Variants in MAML2 observed in about 807,000 individuals in gnomAD.
MAML2 encodes the protein mastermind like transcriptional coactivator 2, also known as mastermind-like protein 2.
A neutral mutation model predicts 96.1 loss-of-function variants in MAML2; 22 were observed. The ratio of observed to expected loss-of-function variants is 0.23; its 90% CI spans 0.16 to 0.33. The LOEUF (loss-of-function observed/expected upper bound fraction) is 0.33, where lower values mean the gene tolerates loss of function less well. Ranked by LOEUF, MAML2 falls within the 10% of genes least tolerant of loss-of-function variation. The probability of loss-of-function intolerance (pLI) is 1.00; values close to 1 mark genes in which losing one functional copy is unlikely to be tolerated. For synonymous variants in MAML2, 561 were observed against 521.3 expected (o/e 1.08, Z -1.04); for missense variants, 1,367 against 1,392.4 (o/e 0.98, Z 0.29).
At chr11:96,337,673 A>G (rs1863937296) in intron 1 of MAML2, among the ~76,000 whole-genome samples, 1 of 152,228 alleles carries the variant, frequency 6.6e-6, no homozygotes. Flanking sequence ...TGAAATGCCA[A>G]TCCCTCTATT....
chr11:96,286,424 C>T (rs960986793), intron 1 of MAML2, among the ~76,000 whole-genome samples: 6 of 152,184 alleles, frequency 3.9e-5, no homozygotes, highest in Non-Finnish European at 7.3e-5. Flanking sequence ...CACCATGGCA[C>T]ATGTTTACCT....
chr11:96,191,818 C>G (rs1394868430), intron 1 of MAML2, among the ~76,000 whole-genome samples: 3 of 150,618 alleles, frequency 2.0e-5, no homozygotes, highest in African/African-American at 7.3e-5. Context: ...TGAAATTCTA[C>G]TATGTGAAAG....
At chr11:96,309,696 A>ATT (rs36116461) in intron 1 of MAML2, among the ~76,000 whole-genome samples, 2,266 of 138,734 alleles carry the variant, frequency 0.016, 43 homozygotes, top group Non-Finnish European at 0.021. Context: ...CAAAGGAACA[A>ATT]TTTTTTTTTT....
chr11:96,204,788 T>C (rs1351634417), intron 1 of MAML2, among the ~76,000 whole-genome samples: 1 of 152,266 alleles, frequency 6.6e-6, no homozygotes, highest in African/African-American at 2.4e-5. Flanking sequence ...TTTCCTGGCT[T>C]TCTGCCAAGG....
chr11:96,024,089 G>A (rs1858478513), intron 2 of MAML2, among the ~76,000 whole-genome samples: 1 of 152,168 alleles, frequency 6.6e-6, no homozygotes, highest in Admixed American at 6.5e-5. Context: ...GGGAAATGCT[G>A]GTAAAGGAGA....
At chr11:96,012,220 C>T (rs936924526) in intron 2 of MAML2, among the ~76,000 whole-genome samples, 9 of 152,136 alleles carry the variant, frequency 5.9e-5, no homozygotes, top group Non-Finnish European at 8.8e-5. Flanking sequence ...CAAGTTCATT[C>T]GACTTGGGCA....
rs73519261 is a variant in MAML2, at chr11:95,984,268, A to T, written c.2455+1263T>A. On this transcript the variant is annotated intron_variant, in intron 4 of 4. Coordinates refer to ENST00000524717, the MANE Select transcript of MAML2 (RefSeq NM_032427.4). Reference sequence around the variant, plus strand: ...ATCTAGGTTTGTATAAGTACACTTTATGATGTTTGCACAATGAAATTACCT... The same window carrying T: ...ATCTAGGTTTGTATAAGTACACTTTTTGATGTTTGCACAATGAAATTACCT... 9.8e-3 allele frequency among the ~76,000 whole-genome samples: 1,497 copies of T among 152,272 alleles called. 26 individuals are homozygous for T. Among genetic ancestry groups the T allele is most frequent in the African/African-American group, 0.035 (1,433 of 41,534 alleles).
intron 2 of MAML2, among the ~76,000 whole-genome samples, chr11:96,084,198 C>T (rs1859571617): frequency 6.6e-6 from 1 of 152,078 alleles, no homozygotes; most frequent in African/African-American, 2.4e-5. Context: ...GAATGAAAAC[C>T]AATGACTTTG....
At chr11:96,314,612 GAT>G (rs2136006534) in intron 1 of MAML2, among the ~76,000 whole-genome samples, 1 of 152,320 alleles carries the variant, frequency 6.6e-6, no homozygotes, top group East Asian at 1.9e-4. Context: ...CTTCTGCTAA[GAT>G]AACCTAAAAC....
intron 1 of MAML2, among the ~76,000 whole-genome samples, chr11:96,228,779 G>C (rs903474959): frequency 6.6e-6 from 1 of 152,176 alleles, no homozygotes; most frequent in South Asian, 2.1e-4. Context: ...CCATTGTGGT[G>C]ATGCTGCCTC....
chr11:96,186,765 C>G (rs978953336), intron 1 of MAML2, among the ~76,000 whole-genome samples: 6 of 152,206 alleles, frequency 3.9e-5, no homozygotes, highest in Admixed American at 3.3e-4. Context: ...ATCACTTTCT[C>G]AAGGCTACAT....
At chr11:96,240,099 A>G (rs919325350) in intron 1 of MAML2, among the ~76,000 whole-genome samples, 1 of 152,234 alleles carries the variant, frequency 6.6e-6, no homozygotes, top group Non-Finnish European at 1.5e-5. Context: ...GCTACATTCA[A>G]AGACAAAAGC....
intron 1 of MAML2, among the ~76,000 whole-genome samples, chr11:96,265,645 C>T (rs1862814608): frequency 2.0e-5 from 3 of 152,174 alleles, no homozygotes. Flanking sequence ...AAGGCAGAGA[C>T]AGAAGCAGCT....
chr11:96,287,603 A>G (rs975077067), intron 1 of MAML2, among the ~76,000 whole-genome samples: 10 of 152,340 alleles, frequency 6.6e-5, no homozygotes, highest in African/African-American at 2.4e-4. Context: ...AAAAATTAAG[A>G]GTAGAATTGG....
At chr11:96,000,788 C>T (rs1264742697) in intron 2 of MAML2, among the ~76,000 whole-genome samples, 1 of 152,152 alleles carries the variant, frequency 6.6e-6, no homozygotes, top group Admixed American at 6.5e-5. Flanking sequence ...ACACACCTAA[C>T]TGAGAGATGA....
intron 2 of MAML2, among the ~76,000 whole-genome samples, chr11:95,996,920 G>A (rs1858000137): frequency 6.6e-6 from 1 of 152,112 alleles, no homozygotes. Context: ...TGAAGGCTGT[G>A]GTAAAAATCG....
In MAML2 at chr11:96,017,154, C is replaced by G. The variant is rs570920903; in HGVS notation, c.2140-25431G>C. On this transcript the variant is annotated intron_variant, in intron 2 of 4. Transcript: ENST00000524717. ...ATTCTTTTGAGGTAGGTAGATCTTA[C>G]TATTCCTCCCATTTCATAGATGAGG... Among the ~76,000 whole-genome samples the G allele has an allele frequency of 8.3e-4, 127 of 152,300 alleles. 3 individuals carry two copies. The South Asian group carries it at 0.026, about 31-fold the overall frequency.
intron 3 of MAML2, among the ~76,000 whole-genome samples, chr11:95,987,102 T>C (rs181517424): frequency 2.0e-5 from 3 of 152,288 alleles, no homozygotes; most frequent in Admixed American, 1.3e-4. Flanking sequence ...AATGGGGCTT[T>C]GTTCTAGATT....
Position 96,149,290 on chromosome 11 carries a change from G to A in MAML2, c.514-55773C>T, listed in dbSNP as rs370118473. 4.6e-5 allele frequency among the ~76,000 whole-genome samples: 7 copies of A among 151,562 alleles called. No homozygotes were observed. In the East Asian group the frequency reaches 5.9e-4, roughly 13 times the overall value. On this transcript the variant is annotated intron_variant, in intron 1 of 4. Coordinates refer to ENST00000524717, the MANE Select transcript of MAML2 (RefSeq NM_032427.4). ...AAGTTAGCTGGGCATGGTAGCATAC[G>A]CCTGTAATCTCAGCTACTCAGGAGG...
Sources: allele counts gnomAD v4.1 joint callset (sites outside exome capture counted in the v4.1 genomes callset), GRCh38; gene constraint gnomAD v4.1.1; transcripts MANE v1.5; gene names NCBI Gene and HGNC (gene_info 2026-07-23, HGNC 2026-07-21).